The following DLG2 variants were observed in gnomAD, a reference collection of about 807,000 sequenced individuals.
DLG2 encodes disks large homolog 2.
Under a neutral mutation model 132.5 loss-of-function variants are expected in DLG2, and 45 were observed. The observed-to-expected ratio is 0.34, with a 90% CI of 0.27 to 0.44. DLG2 has a LOEUF of 0.44. Among genes scored for constraint, DLG2 ranks in the 20% least tolerant of loss-of-function variants. The probability of loss-of-function intolerance (pLI) is 1.00; values close to 1 mark genes in which losing one functional copy is unlikely to be tolerated. For synonymous variants in DLG2, 424 were observed against 419.6 expected (o/e 1.01, Z -0.13); for missense variants, 1,045 against 1,196.9 (o/e 0.87, Z 1.87).
chr11:85,041,208 T>A (rs117882845), intron 6 of DLG2, among the ~76,000 whole-genome samples: 1 of 151,910 alleles, frequency 6.6e-6, no homozygotes, highest in Non-Finnish European at 1.5e-5. Flanking sequence ...ATGGGTATAA[T>A]AGCAGTGCAG....
chr11:84,316,996 G>C (rs1280259559), intron 7 of DLG2: 1 of 1,612,820 alleles, frequency 6.2e-7, no homozygotes, highest in Non-Finnish European at 8.5e-7. Context: ...AGGAGGGCAT[G>C]GTCTGAGAAC....
At chr11:85,433,926 C>A (rs2091333102) in intron 3 of DLG2, among the ~76,000 whole-genome samples, 8 of 152,154 alleles carry the variant, frequency 5.3e-5, no homozygotes, top group Admixed American at 5.2e-4. Flanking sequence ...AGATAAAACA[C>A]TCCTCAGCAA....
chr11:84,039,458 G>A lies in DLG2; in HGVS notation c.919+19857C>T, dbSNP rs559347939. On this transcript the variant is annotated intron_variant, in intron 11 of 27. Transcript: ENST00000376104. The stretch of plus-strand genomic sequence containing the variant: ...TTGTTCAATTCCCACCTATGAGTGA[G>A]AATATGTGGTGTTTGGTTTTTTGTT... Among the ~76,000 whole-genome samples the A allele has an allele frequency of 1.8e-4, 22 of 123,944 alleles. 1 individual carries two copies. The South Asian group carries it at 6.4e-3, about 36-fold the overall frequency. The allele number at this position is 123,944 out of a possible 152,430, so 81.3% of individuals were successfully genotyped here. A position where few individuals can be genotyped will look rare whatever the true frequency, so the allele number is the denominator to read the frequency against.
At chr11:84,692,958 T>G (rs2058211041) in intron 6 of DLG2, among the ~76,000 whole-genome samples, 1 of 151,834 alleles carries the variant, frequency 6.6e-6, no homozygotes, top group African/African-American at 2.4e-5. Context: ...TTATATAACT[T>G]GCTGAAAGCC....
chr11:83,553,889 C>CTTTTTTTTTTTTTTTTTT (rs57434000), intron 19 of DLG2, among the ~76,000 whole-genome samples: 1 of 142,888 alleles, frequency 7.0e-6, no homozygotes, highest in Non-Finnish European at 1.5e-5. Context: ...ACAATCTTTT[C>CTTTTTTTTTTTTTTTTTT]TTTTTTTTTC....
chr11:83,587,989 C>G (rs547274108), intron 19 of DLG2, among the ~76,000 whole-genome samples: 62 of 152,300 alleles, frequency 4.1e-4, no homozygotes, highest in Non-Finnish European at 8.2e-4. Flanking sequence ...TCAGAGGCTC[C>G]TAAGCCCACG....
chr11:84,947,233 G>A (rs1355686469), intron 6 of DLG2, among the ~76,000 whole-genome samples: 1 of 152,154 alleles, frequency 6.6e-6, no homozygotes, highest in African/African-American at 2.4e-5. Flanking sequence ...GCATTCTTGT[G>A]TGGATAGTTG....
intron 5 of DLG2, among the ~76,000 whole-genome samples, chr11:85,138,365 A>G (rs1205117658): frequency 1.3e-5 from 2 of 152,136 alleles, no homozygotes; most frequent in East Asian, 3.9e-4. Context: ...ATGAGGCTCA[A>G]TTTTTCCTAT....
At chr11:83,985,213 T>G (rs2093165338) in intron 11 of DLG2, among the ~76,000 whole-genome samples, 1 of 152,112 alleles carries the variant, frequency 6.6e-6, no homozygotes, top group Non-Finnish European at 1.5e-5. Context: ...GGCTAAGGCA[T>G]GCCATGACTA....
At chr11:83,866,403 T>C (rs562660220) in intron 16 of DLG2, among the ~76,000 whole-genome samples, 1 of 152,304 alleles carries the variant, frequency 6.6e-6, no homozygotes, top group Non-Finnish European at 1.5e-5. Flanking sequence ...GTTTTCATTT[T>C]CATAACAGAC....
chr11:84,631,018 T>TCTCTCTCTCTCTCTCA (rs1217703556), intron 6 of DLG2, among the ~76,000 whole-genome samples: 1 of 94,290 alleles, frequency 1.1e-5, no homozygotes, highest in Non-Finnish European at 2.0e-5. Context: ...TCTCTCTCTC[T>TCTCTCTCTCTCTCTCA]CACACACACA....
In DLG2 at chr11:84,216,670, G is replaced by A. The variant is rs78694172; in HGVS notation, c.573+34568C>T. On this transcript the variant is annotated intron_variant, in intron 8 of 27. Transcript: ENST00000376104. ...AAGGAGAATAAAAGGAGCAGCGGAT[G>A]TGCAATGGAAAGCATGAAGGAGACA... Among the ~76,000 whole-genome samples the A allele has an allele frequency of 6.9e-4, 105 of 152,282 alleles. No homozygotes were observed. The East Asian group carries it at 0.017, about 25-fold the overall frequency.
At chr11:84,996,509 T>A (rs1221293657) in intron 6 of DLG2, among the ~76,000 whole-genome samples, 1 of 152,216 alleles carries the variant, frequency 6.6e-6, no homozygotes, top group Non-Finnish European at 1.5e-5. Flanking sequence ...ACTATTTAAG[T>A]CACCTGTAGA....
intron 8 of DLG2, among the ~76,000 whole-genome samples, chr11:84,172,377 C>A (rs998647644): frequency 6.6e-6 from 1 of 152,028 alleles, no homozygotes; most frequent in Non-Finnish European, 1.5e-5. Flanking sequence ...CTATTATTCA[C>A]CTGAATTTGT....
At chr11:83,592,624 A>T (rs1477285850) in intron 19 of DLG2, among the ~76,000 whole-genome samples, 1 of 151,640 alleles carries the variant, frequency 6.6e-6, no homozygotes, top group African/African-American at 2.4e-5. Flanking sequence ...AATGGCAACA[A>T]AAGACAAAAT....
chr11:84,136,368 T>G (rs1042312873), intron 9 of DLG2, among the ~76,000 whole-genome samples: 2 of 152,184 alleles, frequency 1.3e-5, no homozygotes, highest in Non-Finnish European at 2.9e-5. Flanking sequence ...TTTCCTATTT[T>G]GAAAATGAAG....
chr11:84,024,255 A>G (rs1214380691), intron 11 of DLG2, among the ~76,000 whole-genome samples: 3 of 152,188 alleles, frequency 2.0e-5, no homozygotes, highest in Non-Finnish European at 4.4e-5. Flanking sequence ...CCTATAGTTA[A>G]TAATCTCAGA....
intron 7 of DLG2, among the ~76,000 whole-genome samples, chr11:84,529,708 G>C (rs2099330633): frequency 6.6e-6 from 1 of 152,078 alleles, no homozygotes; most frequent in East Asian, 1.9e-4. Flanking sequence ...TGTTAAAATG[G>C]CCATACTCCC....
intron 6 of DLG2, among the ~76,000 whole-genome samples, chr11:84,562,044 A>T (rs1176319216): frequency 1.3e-5 from 2 of 152,154 alleles, no homozygotes; most frequent in African/African-American, 4.8e-5. Flanking sequence ...AGAATTTTTA[A>T]AAGTTAAAAA....
Sources: allele counts gnomAD v4.1 joint callset (sites outside exome capture counted in the v4.1 genomes callset), GRCh38; gene constraint gnomAD v4.1.1; transcripts MANE v1.5; gene names NCBI Gene and HGNC (gene_info 2026-07-23, HGNC 2026-07-21).